Variants in TOM1L2 observed in about 807,000 individuals in gnomAD.
The protein encoded by TOM1L2 is target of myb1 like 2 membrane trafficking protein.
TOM1L2 carries 31 observed loss-of-function variants against 67.9 expected under a neutral mutation model. That is an observed-to-expected ratio of 0.46 (90% CI 0.34 to 0.62). The LOEUF (loss-of-function observed/expected upper bound fraction) is 0.62. Ranked by LOEUF, TOM1L2 falls within the 20% of genes least tolerant of loss-of-function variation. The probability of loss-of-function intolerance (pLI) is 0.01; values close to 1 mark genes in which losing one functional copy is unlikely to be tolerated. For missense variants in TOM1L2, 606 were observed against 663.5 expected (o/e 0.91, Z 0.95); for synonymous variants, 256 against 254.0 (o/e 1.01, Z -0.07).
intron 1 of TOM1L2, among the ~76,000 whole-genome samples, chr17:17,966,312 T>G (rs1267530188): frequency 6.6e-6 from 1 of 152,190 alleles, no homozygotes; most frequent in Non-Finnish European, 1.5e-5. Flanking sequence ...ATACAGATAG[T>G]ACAGGGCCAC....
intron 1 of TOM1L2, among the ~76,000 whole-genome samples, chr17:17,932,652 C>T (rs1260794151): frequency 6.6e-6 from 1 of 152,104 alleles, no homozygotes. Context: ...TACTTTGGAA[C>T]CAGACAGAAC....
intron 14 of TOM1L2, 44 bp downstream of exon 14, chr17:17,848,779 A>AGAGGCAACAAAAGGGGGCTGT: frequency 3.1e-6 from 5 of 1,610,334 alleles, no homozygotes; most frequent in Non-Finnish European, 4.2e-6. Flanking sequence ...CAGCCTGCAC[A>AGAGGCAACAAAAGGGGGCTGT]GAGGCAACAA....
chr17:17,953,267 G>A (rs914638419), intron 1 of TOM1L2, among the ~76,000 whole-genome samples: 4 of 152,138 alleles, frequency 2.6e-5, no homozygotes, highest in Admixed American at 6.5e-5. Context: ...GCAACAGAGC[G>A]AGACTCTGTC....
At chr17:17,958,899 T>A (rs1271614322) in intron 1 of TOM1L2, among the ~76,000 whole-genome samples, 1 of 152,182 alleles carries the variant, frequency 6.6e-6, no homozygotes, top group Non-Finnish European at 1.5e-5. Context: ...TATTCACCAA[T>A]GGCCAGATTT....
chr17:17,971,579 C>T (rs2042087797), intron 1 of TOM1L2, among the ~76,000 whole-genome samples: 1 of 151,542 alleles, frequency 6.6e-6, no homozygotes, highest in African/African-American at 2.4e-5. Flanking sequence ...CTGAGGGTTG[C>T]TGGTACCGAA....
chr17:17,854,404 A>C (rs542397966), intron 12 of TOM1L2, among the ~76,000 whole-genome samples: 67 of 152,284 alleles, frequency 4.4e-4, no homozygotes, highest in African/African-American at 1.6e-3. Flanking sequence ...GGCCCTTAGG[A>C]GGCCTCGGTA....
intron 12 of TOM1L2, among the ~76,000 whole-genome samples, chr17:17,857,582 A>G (rs2036313467): frequency 6.6e-6 from 1 of 152,190 alleles, no homozygotes. Flanking sequence ...GGGACTGGGA[A>G]TCTGTGGCTT....
At chr17:17,875,395 A>T (rs1350593508) in intron 7 of TOM1L2, among the ~76,000 whole-genome samples, 1 of 152,008 alleles carries the variant, frequency 6.6e-6, no homozygotes, top group East Asian at 1.9e-4. Context: ...CCAGACCCTC[A>T]GCAGGCTCAC....
At chr17:17,887,902 C>T (rs2038079586) in intron 4 of TOM1L2, among the ~76,000 whole-genome samples, 1 of 152,210 alleles carries the variant, frequency 6.6e-6, no homozygotes, top group Admixed American at 6.5e-5. Context: ...TTTCCTACTT[C>T]AGAGAACAGA....
At chr17:17,918,362 T>C (rs2039716097) in intron 1 of TOM1L2, among the ~76,000 whole-genome samples, 1 of 152,172 alleles carries the variant, frequency 6.6e-6, no homozygotes, top group South Asian at 2.1e-4. Context: ...CTTTTATTTC[T>C]TTTTCTTCCC....
chr17:17,877,233 C>T (rs957035833), intron 7 of TOM1L2, among the ~76,000 whole-genome samples: 1 of 152,220 alleles, frequency 6.6e-6, no homozygotes, highest in African/African-American at 2.4e-5. Context: ...ACATAACCTG[C>T]CCACAGTTAT....
chr17:17,879,502 G>T, intron 7 of TOM1L2, 125 bp downstream of exon 7: 1 of 734,204 alleles, frequency 1.4e-6, no homozygotes, highest in Non-Finnish European at 2.5e-6. Flanking sequence ...TGCTCACATG[G>T]ACTATCAACA....
chr17:17,969,057 CT>C (rs563818412), intron 1 of TOM1L2, among the ~76,000 whole-genome samples: 668 of 140,650 alleles, frequency 4.7e-3, no homozygotes, highest in Middle Eastern at 0.011. Context: ...ACCAGCTCTC[CT>C]TTTTTTTTTT....
At chr17:17,967,667 G>T (rs1218427075) in intron 1 of TOM1L2, among the ~76,000 whole-genome samples, 2 of 152,108 alleles carry the variant, frequency 1.3e-5, no homozygotes, top group African/African-American at 4.8e-5. Context: ...AGTGCAAATG[G>T]CACGATCTCG....
intron 1 of TOM1L2, among the ~76,000 whole-genome samples, chr17:17,948,132 T>C (rs2041032723): frequency 1.3e-5 from 2 of 152,212 alleles, no homozygotes; most frequent in African/African-American, 2.4e-5. Context: ...ACAATGTTTG[T>C]CTTTCATTAA....
intron 1 of TOM1L2, among the ~76,000 whole-genome samples, chr17:17,957,517 C>A (rs966809703): frequency 6.6e-6 from 1 of 151,978 alleles, no homozygotes; most frequent in Non-Finnish European, 1.5e-5. Flanking sequence ...GGTAAGGTGA[C>A]AACATGTAAG....
intron 1 of TOM1L2, among the ~76,000 whole-genome samples, chr17:17,913,892 C>A (rs1239839205): frequency 2.6e-5 from 4 of 152,170 alleles, no homozygotes; most frequent in Non-Finnish European, 1.5e-5. Flanking sequence ...TCCCTTGTAG[C>A]CCTACCAAAG....
intron 1 of TOM1L2, among the ~76,000 whole-genome samples, chr17:17,957,908 G>C (rs915279180): frequency 6.6e-6 from 1 of 151,766 alleles, no homozygotes; most frequent in African/African-American, 2.4e-5. Flanking sequence ...GGCTAACACG[G>C]TGAAACCCCG....
chr17:17,890,095 G>C (rs756504060), intron 4 of TOM1L2, among the ~76,000 whole-genome samples: 4 of 152,182 alleles, frequency 2.6e-5, no homozygotes, highest in Non-Finnish European at 5.9e-5. Context: ...GTCTCTGGGG[G>C]AGTCTTAAGT....
Sources: gnomAD v4.1 joint callset for allele counts (sites outside exome capture counted in the v4.1 genomes callset) on GRCh38, gnomAD v4.1.1 for gene constraint, MANE v1.5 for transcripts, NCBI Gene and HGNC (gene_info 2026-07-23, HGNC 2026-07-21) for gene names.